The following PALLD variants were observed in gnomAD, a reference collection of about 807,000 sequenced individuals.
PALLD encodes palladin.
In PALLD, 61 loss-of-function variants were observed where a neutral mutation model predicts 123.5. That is an observed-to-expected ratio of 0.49 (90% CI 0.40 to 0.61). The LOEUF (loss-of-function observed/expected upper bound fraction) is 0.61. Ranked by LOEUF, PALLD falls within the 20% of genes least tolerant of loss-of-function variation. The probability of loss-of-function intolerance (pLI) is 0.00; values close to 1 mark genes in which losing one functional copy is unlikely to be tolerated. For synonymous variants in PALLD, 465 were observed against 496.4 expected, an observed-to-expected ratio of 0.94 and a Z score of 0.84; for missense variants, 1,273 against 1,377.0, an observed-to-expected ratio of 0.92 and a Z score of 1.20.
At chr4:168,653,361 A>C (rs1778242802) in intron 2 of PALLD, among the ~76,000 whole-genome samples, 1 of 152,260 alleles carries the variant, frequency 6.6e-6, no homozygotes, top group Non-Finnish European at 1.5e-5. Flanking sequence ...GTGTGTAAAT[A>C]GTATTTACAT....
intron 2 of PALLD, among the ~76,000 whole-genome samples, chr4:168,515,417 T>C (rs2245923): frequency 1 from 152,329 of 152,330 alleles, 76,164 homozygotes; most frequent in Middle Eastern, 1. Context: ...GGCAGGCCAT[T>C]TCCTGAGGTC....
intron 2 of PALLD, among the ~76,000 whole-genome samples, chr4:168,626,994 A>G (rs1336097709): frequency 6.6e-6 from 1 of 152,218 alleles, no homozygotes; most frequent in African/African-American, 2.4e-5. Flanking sequence ...CCATTTTGAA[A>G]GATAAAATGT....
chr4:168,751,842 T>C (rs954633291), intron 10 of PALLD, among the ~76,000 whole-genome samples: 1 of 152,136 alleles, frequency 6.6e-6, no homozygotes, highest in Non-Finnish European at 1.5e-5. Context: ...AAAGAGTGGG[T>C]AGAGGGACAG....
chr4:168,563,186 G>A (rs573203580), intron 2 of PALLD, among the ~76,000 whole-genome samples: 18 of 152,176 alleles, frequency 1.2e-4, no homozygotes, highest in Non-Finnish European at 2.2e-4. Flanking sequence ...GACAGTTGGT[G>A]TCAAGCTTCT....
chr4:168,828,248 A>G (rs910103432), intron 10 of PALLD, among the ~76,000 whole-genome samples: 8 of 152,366 alleles, frequency 5.3e-5, no homozygotes, highest in African/African-American at 1.9e-4. Context: ...TAAAATATTA[A>G]GCAAAATGCC....
chr4:168,499,909 G>C (rs1025833308), intron 1 of PALLD, among the ~76,000 whole-genome samples: 5 of 149,926 alleles, frequency 3.3e-5, no homozygotes, highest in African/African-American at 1.2e-4. Flanking sequence ...TCGACTCAAA[G>C]TATTTCACAA....
At chr4:168,503,535 T>C (rs1761653042) in intron 1 of PALLD, among the ~76,000 whole-genome samples, 1 of 151,184 alleles carries the variant, frequency 6.6e-6, no homozygotes, top group Admixed American at 6.6e-5. Flanking sequence ...TAGTCCCAGC[T>C]ACTCAGGAGG....
intron 10 of PALLD, among the ~76,000 whole-genome samples, chr4:168,796,019 C>T (rs1422971201): frequency 6.6e-6 from 1 of 151,996 alleles, no homozygotes. Flanking sequence ...GGTACCCGTC[C>T]CCTGAATCAT....
intron 2 of PALLD, among the ~76,000 whole-genome samples, chr4:168,581,970 A>G (rs973345411): frequency 3.3e-5 from 5 of 152,068 alleles, no homozygotes; most frequent in African/African-American, 1.2e-4. Flanking sequence ...CTTCTTCTGC[A>G]TATAAATATC....
At chr4:168,801,841 A>G (rs17614822) in intron 10 of PALLD, among the ~76,000 whole-genome samples, 23,320 of 152,188 alleles carry the variant, frequency 0.15, 1,987 homozygotes, top group Middle Eastern at 0.2. Context: ...GCTCTAGGAC[A>G]TGGTCCATGT....
chr4:168,591,857 A>G (rs1413452665), intron 2 of PALLD, among the ~76,000 whole-genome samples: 2 of 152,142 alleles, frequency 1.3e-5, no homozygotes, highest in South Asian at 2.1e-4. Flanking sequence ...GTTCAATGTT[A>G]TCTGTGGAGA....
intron 10 of PALLD, among the ~76,000 whole-genome samples, chr4:168,853,346 C>T (rs1370544389): frequency 6.6e-6 from 1 of 152,202 alleles, no homozygotes; most frequent in Non-Finnish European, 1.5e-5. Flanking sequence ...CCAGCCTTTA[C>T]TCACTCCTCT....
In PALLD at chr4:168,844,207, G is replaced by A. The variant is rs1188032901; in HGVS notation, c.1965-46715G>A. 6.6e-6 allele frequency: 1 copy of A among 152,172 alleles called. No homozygotes were observed. The highest frequency in any genetic ancestry group is 2.4e-5 in the African/African-American group (1 of 41,436). 9.4% of individuals were successfully genotyped at this position (152,172 alleles called of 1,614,324 possible). A position where few individuals can be genotyped will look rare whatever the true frequency, so the allele number is the denominator to read the frequency against. On this transcript the variant is annotated intron_variant, in intron 10 of 21. Coordinates refer to ENST00000505667, the MANE Select transcript of PALLD (RefSeq NM_001166108.2). This position sits in a 1 kb window ranked among gnomAD's most constrained non-coding sequence, Gnocchi z 4.5. Reference sequence around the variant, plus strand: ...ATTTTTCTAGAAGACTAAATAACCTGTAAAAGATTAAAAACCATGATTGAG... The same window carrying A: ...ATTTTTCTAGAAGACTAAATAACCTATAAAAGATTAAAAACCATGATTGAG...
At chr4:168,793,712 C>A (rs114781780) in intron 10 of PALLD, among the ~76,000 whole-genome samples, 1 of 152,232 alleles carries the variant, frequency 6.6e-6, no homozygotes, top group Admixed American at 6.5e-5. Flanking sequence ...CATAAAGATA[C>A]GCACAGGAAG....
Position 168,677,054 on chromosome 4 carries a change from C to G in PALLD, c.1088-4278C>G, listed in dbSNP as rs569384362. 2.6e-5 allele frequency among the ~76,000 whole-genome samples: 4 copies of G among 152,210 alleles called. No individual in the cohort carries two copies. The South Asian group carries it at 8.3e-4, about 32-fold the overall frequency. On this transcript the variant is annotated intron_variant, in intron 3 of 21. Coordinates refer to ENST00000505667, the MANE Select transcript of PALLD (RefSeq NM_001166108.2). Reference sequence around the variant, plus strand: ...TTTAGGCAGGTAACTGTTAGGTGAACAGATGATAGTAACTACAAGGGCTAG... The same window carrying G: ...TTTAGGCAGGTAACTGTTAGGTGAAGAGATGATAGTAACTACAAGGGCTAG...
intron 10 of PALLD, chr4:168,831,948 G>A: frequency 2.1e-6 from 2 of 946,928 alleles, no homozygotes; most frequent in Non-Finnish European, 2.5e-6. Flanking sequence ...CCTGGGGGCC[G>A]CGTCCCAGAG....
intron 4 of PALLD, among the ~76,000 whole-genome samples, chr4:168,681,853 G>A (rs1260910329): frequency 3.3e-5 from 5 of 151,962 alleles, no homozygotes; most frequent in African/African-American, 4.8e-5. Context: ...TGTCCAGCCC[G>A]AACACAATTT....
chr4:168,705,540 A>G (rs1047957076), intron 8 of PALLD, among the ~76,000 whole-genome samples: 2 of 152,194 alleles, frequency 1.3e-5, no homozygotes, highest in African/African-American at 2.4e-5. Flanking sequence ...TTGTTCTTCA[A>G]GAAAGATGTA....
chr4:168,809,368 A>G (rs1740726979), intron 10 of PALLD, among the ~76,000 whole-genome samples: 1 of 150,736 alleles, frequency 6.6e-6, no homozygotes, highest in Admixed American at 6.6e-5. Context: ...ACAGGGTCTC[A>G]CCCTGTTGCC....
Sources: gnomAD v4.1 joint callset for allele counts (sites outside exome capture counted in the v4.1 genomes callset) on GRCh38, gnomAD v4.1.1 for gene constraint, Gnocchi (gnomAD v3.1) non-coding constraint, MANE v1.5 for transcripts, NCBI Gene and HGNC (gene_info 2026-07-23, HGNC 2026-07-21) for gene names.